The following TINAG variants were observed in gnomAD, a reference collection of about 807,000 sequenced individuals.
TINAG encodes tubulointerstitial nephritis antigen.
TINAG carries 83 observed loss-of-function variants against 72.7 expected under a neutral mutation model. That is an observed-to-expected ratio of 1.14 (90% CI 0.96 to 1.37). The LOEUF (loss-of-function observed/expected upper bound fraction) is 1.37. TINAG is among the 40% of genes most tolerant of loss of function. The pLI is 0.00. For synonymous variants in TINAG, 234 were observed against 189.9 expected, an observed-to-expected ratio of 1.23 and a Z score of -1.91; for missense variants, 685 against 576.6, an observed-to-expected ratio of 1.19 and a Z score of -1.93.
chr6:54,351,418 GT>G, intron 8 of TINAG, 21 bp downstream of exon 8: 4 of 1,606,108 alleles, frequency 2.5e-6, no homozygotes, highest in Non-Finnish European at 1.7e-6. Context: ...ATGAAATACG[GT>G]TTTTTCTTAC....
At chr6:54,321,439 G>A in intron 3 of TINAG, 53 bp downstream of exon 3, 2 of 1,249,710 alleles carry the variant, frequency 1.6e-6, no homozygotes, top group South Asian at 1.2e-5. Flanking sequence ...TACTATGCAG[G>A]TTTCAATGTA....
intron 6 of TINAG, 87 bp from the exon 7 acceptor site, chr6:54,349,629 A>G (rs978846146): frequency 8.3e-7 from 1 of 1,211,242 alleles, no homozygotes; most frequent in Non-Finnish European, 1.1e-6. Flanking sequence ...TAATTTATGA[A>G]TGTTTAATTC....
chr6:54,370,909 A>G (rs910945198), intron 9 of TINAG, among the ~76,000 whole-genome samples: 6 of 152,124 alleles, frequency 3.9e-5, no homozygotes, highest in Non-Finnish European at 8.8e-5. Flanking sequence ...ATCATCTCAA[A>G]CACTGATCAG....
intron 10 of TINAG, among the ~76,000 whole-genome samples, chr6:54,381,558 T>A (rs558063513): frequency 1.8e-4 from 27 of 152,190 alleles, no homozygotes; most frequent in African/African-American, 6.5e-4. Flanking sequence ...GTACCTTATA[T>A]TTGTGTTGTT....
At chr6:54,362,915 T>A (rs1224721274) in intron 9 of TINAG, among the ~76,000 whole-genome samples, 1 of 151,482 alleles carries the variant, frequency 6.6e-6, no homozygotes, top group Non-Finnish European at 1.5e-5. Flanking sequence ...CAACTAGAAT[T>A]AGAAGTAGAG....
intron 9 of TINAG, among the ~76,000 whole-genome samples, chr6:54,377,874 G>A (rs1395882687): frequency 1.3e-5 from 2 of 152,050 alleles, no homozygotes; most frequent in African/African-American, 4.8e-5. Flanking sequence ...TAGCCTTCTG[G>A]TTTTGCACTA....
chr6:54,311,856 T>A (rs973225874), intron 1 of TINAG, among the ~76,000 whole-genome samples: 53 of 152,172 alleles, frequency 3.5e-4, no homozygotes, highest in Non-Finnish European at 1.3e-4. Flanking sequence ...TTGAATAGAA[T>A]TGCATAAAAT....
At chr6:54,342,750 T>C (rs926010440) in intron 4 of TINAG, among the ~76,000 whole-genome samples, 1 of 152,158 alleles carries the variant, frequency 6.6e-6, no homozygotes, top group Non-Finnish European at 1.5e-5. Flanking sequence ...TGGTGTAAAA[T>C]TGATGTGTTC....
At chr6:54,322,384 A>G (rs1784512696) in intron 3 of TINAG, among the ~76,000 whole-genome samples, 1 of 152,070 alleles carries the variant, frequency 6.6e-6, no homozygotes, top group African/African-American at 2.4e-5. Context: ...ACTGGCTTTT[A>G]TTATAGAACT....
chr6:54,389,338 C>T (rs572795991), intron 10 of TINAG, among the ~76,000 whole-genome samples: 2 of 152,222 alleles, frequency 1.3e-5, no homozygotes, highest in African/African-American at 4.8e-5. Context: ...TTTCTCTGAC[C>T]TCAAAAATAC....
intron 8 of TINAG, 94 bp downstream of exon 8, chr6:54,351,491 A>T: frequency 8.1e-7 from 1 of 1,235,978 alleles, no homozygotes; most frequent in Non-Finnish European, 1.1e-6. Flanking sequence ...TAAAATAAAG[A>T]AAATTTTTAC....
In TINAG at chr6:54,343,296, A is replaced by G. The variant is rs1332303457; in HGVS notation, c.695A>G (p.His232Arg). Residue 232 changes from histidine (H) to arginine (R), a missense_variant, in exon 5 of 11, where the codon CAT (histidine) becomes CGT (arginine). By Grantham distance (29) the His-to-Arg change is conservative. Coordinates refer to ENST00000259782, the MANE Select transcript of TINAG (RefSeq NM_014464.4). ...VASYKWPGWTHGPLDQKNCAA... is the reference protein window; with the variant it reads ...VASYKWPGWTRGPLDQKNCAA... Reference sequence around the variant, plus strand: ...TCTTATAAATGGCCTGGATGGACTCATGGCCCATTGGATCAAAAAAATTGT... The same window carrying G: ...TCTTATAAATGGCCTGGATGGACTCGTGGCCCATTGGATCAAAAAAATTGT... 1.3e-6 allele frequency: 2 copies of G among 1,577,558 alleles called. No individual in the cohort carries two copies. Among genetic ancestry groups the G allele is most frequent in the Non-Finnish European group, 1.7e-6 (2 of 1,159,852 alleles).
At chr6:54,330,074 T>C (rs1346434009) in intron 4 of TINAG, among the ~76,000 whole-genome samples, 1 of 151,970 alleles carries the variant, frequency 6.6e-6, no homozygotes, top group Non-Finnish European at 1.5e-5. Flanking sequence ...AGACAAAAAA[T>C]TAACAAGGAG....
In TINAG at chr6:54,326,812, C is replaced by A. The variant is rs1460157747; in HGVS notation, c.520C>A (p.Gln174Lys). ...TCATTTGTAAGGCAGATGGACAGCA[C>A]AGAATTACAGCCAATTTTGGGGAAT... ...VNKGDYGWTA[Q>K]NYSQFWGMTL... Residue 174 changes from glutamine (Q) to lysine (K), a missense_variant, in exon 4 of 11, where the codon CAG becomes AAG. By Grantham distance (53) the Gln-to-Lys change is moderately conservative. Coordinates refer to ENST00000259782, the MANE Select transcript of TINAG (RefSeq NM_014464.4). 6.2e-7 allele frequency: 1 copy of A among 1,607,734 alleles called. No individual in the cohort carries two copies.
At chr6:54,329,597 G>A (rs984565427) in intron 4 of TINAG, among the ~76,000 whole-genome samples, 2 of 152,070 alleles carry the variant, frequency 1.3e-5, no homozygotes, top group African/African-American at 4.8e-5. Flanking sequence ...GCATAATAAT[G>A]TCAAGATCAA....
At chr6:54,346,210 T>C (rs1785117666) in intron 5 of TINAG, among the ~76,000 whole-genome samples, 1 of 152,066 alleles carries the variant, frequency 6.6e-6, no homozygotes, top group Non-Finnish European at 1.5e-5. Flanking sequence ...TACTGGTTAA[T>C]TAGTTTCCCT....
intron 3 of TINAG, among the ~76,000 whole-genome samples, chr6:54,324,343 T>A (rs1466882622): frequency 6.6e-6 from 1 of 152,190 alleles, no homozygotes; most frequent in Non-Finnish European, 1.5e-5. Flanking sequence ...TGGTGCAGGA[T>A]GTTAATTGGG....
chr6:54,328,596 T>C (rs1052448739), intron 4 of TINAG, among the ~76,000 whole-genome samples: 1 of 151,852 alleles, frequency 6.6e-6, no homozygotes, highest in Admixed American at 6.6e-5. Context: ...TGCAAGCAAG[T>C]GAACAAAATT....
At chr6:54,347,724 C>A (rs945692922) in intron 6 of TINAG, among the ~76,000 whole-genome samples, 1 of 151,916 alleles carries the variant, frequency 6.6e-6, no homozygotes, top group South Asian at 2.1e-4. Flanking sequence ...TCCTGAAGAA[C>A]GTATACATTT....
Sources: gnomAD v4.1 joint callset for allele counts (sites outside exome capture counted in the v4.1 genomes callset) on GRCh38, gnomAD v4.1.1 for gene constraint, MANE v1.5 for transcripts, NCBI Gene and HGNC (gene_info 2026-07-23, HGNC 2026-07-21) for gene names.